Variants in GRHL1 observed in about 807,000 individuals in gnomAD.
GRHL1 encodes the protein grainyhead-like protein 1 homolog.
A neutral mutation model predicts 75.7 loss-of-function variants in GRHL1; 38 were observed. The ratio of observed to expected loss-of-function variants is 0.50; its 90% confidence interval spans 0.39 to 0.66. The LOEUF (loss-of-function observed/expected upper bound fraction) is 0.66. Among genes scored for constraint, GRHL1 ranks in the 30% least tolerant of loss-of-function variants. GRHL1 has a pLI of 0.00. For synonymous variants in GRHL1, 266 were observed against 279.4 expected (o/e 0.95, Z 0.48); for missense variants, 589 against 767.5 (o/e 0.77, Z 2.75).
At chr2:9,978,991 C>CA (rs200927111) in intron 8 of GRHL1, among the ~76,000 whole-genome samples, 2,097 of 148,548 alleles carry the variant, frequency 0.014, 43 homozygotes, top group Middle Eastern at 0.058. Flanking sequence ...AACTCCCTCT[C>CA]AAAAAACAAA....
At position 9,961,366 on chromosome 2, in the gene GRHL1, A is replaced by G. The variant is rs1436013487; in HGVS notation, c.599A>G (p.Gln200Arg). The G allele has an allele frequency of 3.7e-6, 6 of 1,614,040 alleles. No individual in the cohort carries two copies. Among genetic ancestry groups the G allele is most frequent in the Non-Finnish European group, 5.1e-6 (6 of 1,180,000 alleles). Residue 200 changes from glutamine to arginine, a missense_variant, in exon 4 of 16, where the codon CAA becomes CGA. By Grantham distance (43) the Gln-to-Arg change is conservative (BLOSUM62 1). Around this residue, in one of 5 missense-constraint regions of GRHL1, gnomAD observed 362 missense variants for 461.8 expected, o/e 0.78. Coordinates refer to ENST00000324907, the MANE Select transcript of GRHL1 (RefSeq NM_198182.3). ...LNTDQFSSGAQAPNAQRRTPD... is the reference protein window; with the variant it reads ...LNTDQFSSGARAPNAQRRTPD... ...ACTGACCAGTTCAGCTCTGGTGCTC[A>G]AGCCCCAAATGCTCAAAGGCGAACT...
chr2:9,996,661 T>G (rs1668874547), intron 14 of GRHL1, among the ~76,000 whole-genome samples: 1 of 152,190 alleles, frequency 6.6e-6, no homozygotes, highest in African/African-American at 2.4e-5. Flanking sequence ...ATATACGTGG[T>G]TAAAGGGAGA....
intron 8 of GRHL1, among the ~76,000 whole-genome samples, chr2:9,969,929 G>A (rs1262845650): frequency 2.1e-5 from 3 of 144,150 alleles, no homozygotes; most frequent in Non-Finnish European, 3.0e-5. Flanking sequence ...TGCAAGCTCC[G>A]CCTCCCAGGT....
chr2:9,951,711 C>T lies in GRHL1; in HGVS notation c.-123C>T. On this transcript the variant is annotated 5_prime_UTR_variant, in exon 1 of 16. Transcript: ENST00000324907. This position sits in a 1 kb window ranked among gnomAD's most constrained non-coding sequence, Gnocchi z 4.2. ...CCGGCTCAGAGCGAGAAAAGCAAAC[C>T]CAACCCGTCGGGGCCGCCGCTCCGG... 1.1e-6 allele frequency: 1 copy of T among 914,152 alleles called. No homozygotes were observed. Among genetic ancestry groups the T allele is most frequent in the Non-Finnish European group, 1.6e-6 (1 of 620,402 alleles). The allele number at this position is 914,152 out of a possible 1,614,324, so 56.6% of individuals were successfully genotyped here. A position where few individuals can be genotyped will look rare whatever the true frequency, so the allele number is the denominator to read the frequency against.
intron 10 of GRHL1, among the ~76,000 whole-genome samples, chr2:9,991,612 C>T (rs987828858): frequency 1.3e-5 from 2 of 152,188 alleles, no homozygotes; most frequent in Non-Finnish European, 2.9e-5. Context: ...TCAATGGGTC[C>T]ATGAGTGTTG....
At chr2:9,973,677 CA>C (rs1163354996) in intron 8 of GRHL1, among the ~76,000 whole-genome samples, 1 of 152,184 alleles carries the variant, frequency 6.6e-6, no homozygotes, top group Non-Finnish European at 1.5e-5. Flanking sequence ...TGTCTTAGAG[CA>C]ATCTTTTTGA....
chr2:9,987,338 C>A lies in GRHL1; in HGVS notation c.1269+1056C>A, dbSNP rs977449606. Among the ~76,000 whole-genome samples, 5 of 152,160 alleles carry A rather than the reference C, an allele frequency of 3.3e-5. No individual in the cohort carries two copies. The highest frequency in any genetic ancestry group is 1.2e-4 in the African/African-American group (5 of 41,424). ...CATTATGTAGAGATTTTTGAAATTA[C>A]GTTTTAACTGATAGATTAGAAGGGT... On this transcript the variant is annotated intron_variant, in intron 9 of 15. Transcript: ENST00000324907. The surrounding 1 kb of genome is among the most constrained non-coding windows in gnomAD (Gnocchi z 4.2).
chr2:9,991,904 C>CTT, intron 10 of GRHL1, 103 bp from the exon 11 acceptor site: 2 of 831,054 alleles, frequency 2.4e-6, no homozygotes, highest in Non-Finnish European at 3.7e-6. Context: ...GAGTGCTACA[C>CTT]TTGGAGTATC....
rs1020661530 is a variant in GRHL1, at chr2:9,992,644, TG to T, written c.1461+500del. The stretch of plus-strand genomic sequence containing the variant: ...TAAAAAATGGTCACGCCCTGTTTTG[TG>T]GCAAAGGCTTACAAGGGATAGAAAC... On this transcript the variant is annotated intron_variant, in intron 11 of 15. Transcript: ENST00000324907. This position sits in a 1 kb window ranked among gnomAD's most constrained non-coding sequence, Gnocchi z 4.6. Among the ~76,000 whole-genome samples, 19 of 152,354 alleles carry T rather than the reference TG, an allele frequency of 1.2e-4. No individual in the cohort carries two copies. The highest frequency in any genetic ancestry group is 4.6e-4 in the African/African-American group (19 of 41,592).
intron 1 of GRHL1, chr2:9,953,071 T>A (rs1388607247): frequency 4.4e-6 from 2 of 456,794 alleles, no homozygotes; most frequent in Non-Finnish European, 8.8e-6. Flanking sequence ...GTTTTGTGTT[T>A]ATTTCTTGAC....
intron 2 of GRHL1, among the ~76,000 whole-genome samples, chr2:9,955,415 A>G (rs533764881): frequency 3.9e-5 from 6 of 152,322 alleles, no homozygotes; most frequent in South Asian, 2.1e-4. Context: ...TCTTAGTGCC[A>G]TGGAAAGTGG....
Position 9,993,220 on chromosome 2 carries a change from C to T in GRHL1, c.1475C>T (p.Ala492Val), listed in dbSNP as rs1438935974. Residue 492 changes from alanine to valine, a missense_variant, in exon 12 of 16, where the codon GCC becomes GTC. Ala to Val is a moderately conservative substitution (Grantham distance 64). Coordinates refer to ENST00000324907, the MANE Select transcript of GRHL1 (RefSeq NM_198182.3). ...CTTTGGTCTTAGGTCCTTCCCATTG[C>T]CTCTGAAGAATTGGAGGGTGAAGGG... is the stretch of plus-strand genomic sequence containing the variant. Reference protein sequence around the residue: ...LQRGTHVLPIASEELEGEGSV... With the variant: ...LQRGTHVLPIVSEELEGEGSV... 6.8e-6 allele frequency: 11 copies of T among 1,610,338 alleles called. No individual in the cohort carries two copies. Among genetic ancestry groups the T allele is most frequent in the Non-Finnish European group, 9.3e-6 (11 of 1,176,596 alleles).
chr2:9,958,884 G>A, intron 3 of GRHL1, 28 bp downstream of exon 3: 1 of 1,609,828 alleles, frequency 6.2e-7, no homozygotes. Context: ...ACAGCATAAA[G>A]AGTGCAGGGG....
chr2:9,982,508 G>A (rs1280977783), intron 8 of GRHL1, among the ~76,000 whole-genome samples: 1 of 152,220 alleles, frequency 6.6e-6, no homozygotes, highest in African/African-American at 2.4e-5. Flanking sequence ...CCTGCCAGGC[G>A]ATTCTAATTC....
chr2:9,967,391 A>C (rs1220234898), intron 8 of GRHL1, among the ~76,000 whole-genome samples: 1 of 152,238 alleles, frequency 6.6e-6, no homozygotes, highest in East Asian at 1.9e-4. Flanking sequence ...GGGTGGGAGT[A>C]ATGAAAGCCA....
At chr2:9,998,893 T>TATATGTACACAC in intron 14 of GRHL1, 72 bp from the exon 15 acceptor site, 2 of 426,096 alleles carry the variant, frequency 4.7e-6, no homozygotes, top group African/African-American at 2.5e-5. Context: ...TATATACATA[T>TATATGTACACAC]ATATATATTT....
At chr2:9,998,619 TGTACAC>T (rs1207596616) in intron 14 of GRHL1, among the ~76,000 whole-genome samples, 1 of 46,542 alleles carries the variant, frequency 2.1e-5, no homozygotes, top group Non-Finnish European at 3.6e-5. Context: ...TACATATATA[TGTACAC>T]ATATACATAT....
intron 8 of GRHL1, among the ~76,000 whole-genome samples, chr2:9,982,567 G>A (rs1341957796): frequency 6.6e-6 from 1 of 152,228 alleles, no homozygotes; most frequent in African/African-American, 2.4e-5. Flanking sequence ...TGAAACTTTA[G>A]TGTGCATAGA....
Position 9,990,607 on chromosome 2 carries a change from GCTT to G in GRHL1, c.1270-81_1270-79del, listed in dbSNP as rs1668597049. The G allele has an allele frequency of 5.8e-6, 4 of 683,866 alleles. No homozygotes were observed. The East Asian group carries it at 8.7e-5, about 15-fold the overall frequency. 42.4% of individuals were successfully genotyped at this position (683,866 alleles called of 1,614,324 possible). A position where few individuals can be genotyped will look rare whatever the true frequency, so the allele number is the denominator to read the frequency against. The stretch of plus-strand genomic sequence containing the variant: ...GTTCCTGTCCAGAGAAGGGAGAAAG[GCTT>G]CTTCTTCCATTGGTCAGGATAAGAG... On this transcript the variant is annotated intron_variant, in intron 9 of 15. Transcript: ENST00000324907. The surrounding 1 kb of genome is among the most constrained non-coding windows in gnomAD (Gnocchi z 4.2).
Sources: allele counts gnomAD v4.1 joint callset (sites outside exome capture counted in the v4.1 genomes callset), GRCh38; gene constraint gnomAD v4.1.1; regional missense constraint gnomAD v4.1.1; non-coding constraint Gnocchi (gnomAD v3.1); transcripts MANE v1.5; gene names NCBI Gene and HGNC (gene_info 2026-07-23, HGNC 2026-07-21).